PARD3B: variants seen among roughly 807,000 people sequenced by gnomAD.
The protein encoded by PARD3B is partitioning defective 3 homolog B.
A neutral mutation model predicts 130.2 loss-of-function variants in PARD3B; 103 were observed. The ratio of observed to expected loss-of-function variants is 0.79; its 90% CI spans 0.67 to 0.93. PARD3B has a LOEUF of 0.93. Among genes scored for constraint, PARD3B ranks in the 40% least tolerant of loss-of-function variants. The pLI is 0.00. For synonymous variants in PARD3B, 583 were observed against 553.2 expected (o/e 1.05, Z -0.76); for missense variants, 1,609 against 1,499.2 (o/e 1.07, Z -1.21).
Position 204,741,567 on chromosome 2 carries a change from A to G in PARD3B, c.222+55285A>G, listed in dbSNP as rs566972079. On this transcript the variant is annotated intron_variant, in intron 2 of 22. Coordinates refer to ENST00000406610, the MANE Select transcript of PARD3B (RefSeq NM_001302769.2). ...TTAGAGCCCTCCATGTTATTTTCCA[A>G]GTAGTCTTTAGTTTATTAAGACTAT... Among the ~76,000 whole-genome samples, 43 of 152,268 alleles carry G rather than the reference A, an allele frequency of 2.8e-4. 1 individual carries two copies. Among genetic ancestry groups the G allele is most frequent in the African/African-American group, 8.4e-4 (35 of 41,574 alleles).
chr2:204,926,054 G>A (rs1304322584), intron 2 of PARD3B, among the ~76,000 whole-genome samples: 1 of 151,972 alleles, frequency 6.6e-6, no homozygotes, highest in Non-Finnish European at 1.5e-5. Flanking sequence ...CCCAGTCTTG[G>A]GTAGCACCTT....
intron 21 of PARD3B, among the ~76,000 whole-genome samples, chr2:205,545,787 T>G (rs1044852241): frequency 4.6e-5 from 7 of 152,168 alleles, no homozygotes; most frequent in African/African-American, 1.7e-4. Context: ...AAAAATCTTG[T>G]GTAATTTATT....
chr2:204,790,105 C>T (rs185844324), intron 2 of PARD3B, among the ~76,000 whole-genome samples: 1,835 of 152,224 alleles, frequency 0.012, 46 homozygotes, highest in African/African-American at 0.042. Flanking sequence ...CTCCTGATCT[C>T]GTGATCCACC....
chr2:205,371,616 T>G (rs960703344), intron 18 of PARD3B, among the ~76,000 whole-genome samples: 2 of 152,164 alleles, frequency 1.3e-5, no homozygotes, highest in Admixed American at 6.5e-5. Context: ...GTATTTGGAG[T>G]TTCTTCCTTA....
chr2:205,383,133 T>TAGAGAGAG (rs1559039008), intron 18 of PARD3B, among the ~76,000 whole-genome samples: 7 of 115,454 alleles, frequency 6.1e-5, no homozygotes, highest in Non-Finnish European at 1.0e-4. Context: ...GATAGATAGA[T>TAGAGAGAG]AGATAGATCG....
intron 3 of PARD3B, among the ~76,000 whole-genome samples, chr2:204,975,516 C>G (rs1434655899): frequency 2.6e-5 from 4 of 152,196 alleles, no homozygotes; most frequent in African/African-American, 9.6e-5. Context: ...GACAAGCCTT[C>G]TACCCAAATG....
intron 1 of PARD3B, among the ~76,000 whole-genome samples, chr2:204,634,185 A>G (rs2034791104): frequency 6.6e-6 from 1 of 152,040 alleles, no homozygotes; most frequent in Non-Finnish European, 1.5e-5. Flanking sequence ...TATTCTGTAT[A>G]TCCCTGAGTT....
chr2:204,804,812 G>A (rs2042706049), intron 2 of PARD3B, among the ~76,000 whole-genome samples: 1 of 152,046 alleles, frequency 6.6e-6, no homozygotes, highest in Admixed American at 6.6e-5. Context: ...AATAAAACTA[G>A]AAATCAATAA....
intron 15 of PARD3B, among the ~76,000 whole-genome samples, chr2:205,200,798 G>A (rs983338448): frequency 6.6e-6 from 1 of 152,198 alleles, no homozygotes; most frequent in Non-Finnish European, 1.5e-5. Flanking sequence ...TGACTGAGGG[G>A]ACGTGAAGGT....
At chr2:204,783,650 T>G (rs2041915108) in intron 2 of PARD3B, among the ~76,000 whole-genome samples, 1 of 152,098 alleles carries the variant, frequency 6.6e-6, no homozygotes, top group Non-Finnish European at 1.5e-5. Flanking sequence ...GCCTAATATG[T>G]GCCGAACACT....
chr2:204,866,708 T>C (rs1037878665), intron 2 of PARD3B, among the ~76,000 whole-genome samples: 2 of 151,960 alleles, frequency 1.3e-5, no homozygotes, highest in African/African-American at 4.8e-5. Flanking sequence ...TGTTTATGTA[T>C]GTATATGTGT....
At chr2:204,748,708 C>A (rs2040345524) in intron 2 of PARD3B, among the ~76,000 whole-genome samples, 1 of 151,998 alleles carries the variant, frequency 6.6e-6, no homozygotes, top group Admixed American at 6.6e-5. Flanking sequence ...TTAACAAGTT[C>A]CTAACTGATA....
chr2:205,046,397 A>T (rs1266125775), intron 3 of PARD3B, among the ~76,000 whole-genome samples: 2 of 152,036 alleles, frequency 1.3e-5, no homozygotes, highest in Non-Finnish European at 1.5e-5. Flanking sequence ...AAGGAAATAA[A>T]GGAATGTGAA....
intron 16 of PARD3B, among the ~76,000 whole-genome samples, chr2:205,260,259 C>A (rs1200541522): frequency 6.6e-6 from 1 of 152,142 alleles, no homozygotes; most frequent in East Asian, 1.9e-4. Context: ...TCAGCAACAG[C>A]AACAACAAAC....
chr2:204,588,061 C>A (rs1194814164), intron 1 of PARD3B, among the ~76,000 whole-genome samples: 1 of 151,996 alleles, frequency 6.6e-6, no homozygotes, highest in Non-Finnish European at 1.5e-5. Flanking sequence ...TTTTGTAATA[C>A]CGTGAGGGAG....
chr2:205,313,871 A>G (rs1001435344), intron 18 of PARD3B, among the ~76,000 whole-genome samples: 6 of 152,240 alleles, frequency 3.9e-5, no homozygotes, highest in Non-Finnish European at 8.8e-5. Flanking sequence ...TTTAATAAAT[A>G]AACTTCATTA....
chr2:205,350,841 C>T (rs2043971100), intron 18 of PARD3B, among the ~76,000 whole-genome samples: 1 of 152,014 alleles, frequency 6.6e-6, no homozygotes, highest in African/African-American at 2.4e-5. Flanking sequence ...TACATACTAC[C>T]CATTTTGTTT....
At chr2:204,608,018 C>T (rs1443168442) in intron 1 of PARD3B, among the ~76,000 whole-genome samples, 1 of 152,096 alleles carries the variant, frequency 6.6e-6, no homozygotes, top group East Asian at 1.9e-4. Context: ...TTCAATGGGA[C>T]CCTTAGTTTA....
rs866081715 is a variant in PARD3B, at chr2:205,156,271, C to G, written c.1435-2451C>G. On this transcript the variant is annotated intron_variant, in intron 10 of 22. Transcript: ENST00000406610. ...ACTCTGGGGACTGTTGTGGGGTGGG[C>G]GGGGGGGGGAGGAATAGCATTAGGA... 4.5e-3 allele frequency among the ~76,000 whole-genome samples: 341 copies of G among 75,524 alleles called. 1 individual carries two copies. Among genetic ancestry groups the G allele is most frequent in the Middle Eastern group, 6.0e-3 (1 of 168 alleles). The allele number at this position is 75,524 out of a possible 152,430, so 49.5% of individuals were successfully genotyped here. A position where few individuals can be genotyped will look rare whatever the true frequency, so the allele number is the denominator to read the frequency against.
Sources: allele counts gnomAD v4.1 joint callset (sites outside exome capture counted in the v4.1 genomes callset), GRCh38; gene constraint gnomAD v4.1.1; transcripts MANE v1.5; gene names NCBI Gene and HGNC (gene_info 2026-07-23, HGNC 2026-07-21).